Variants in TRIM9 observed in about 807,000 individuals in gnomAD.
TRIM9 encodes tripartite motif containing 9.
Under a neutral mutation model 78.3 loss-of-function variants are expected in TRIM9, and 26 were observed. The ratio of observed to expected loss-of-function variants is 0.33; its 90% confidence interval spans 0.24 to 0.46. The LOEUF is 0.46. Ranked by LOEUF, TRIM9 falls within the 20% of genes least tolerant of loss-of-function variation. The pLI is 1.00. For synonymous variants in TRIM9, 398 were observed against 416.5 expected (o/e 0.96, Z 0.54); for missense variants, 787 against 1,036.4 (o/e 0.76, Z 3.30).
intron 1 of TRIM9, among the ~76,000 whole-genome samples, chr14:51,079,058 A>T (rs1334451428): frequency 1.3e-5 from 2 of 152,202 alleles, no homozygotes; most frequent in African/African-American, 2.4e-5. Context: ...AATGCTCTTG[A>T]TTAATTTTTG....
chr14:51,045,016 G>A (rs561739238), intron 1 of TRIM9, among the ~76,000 whole-genome samples: 7 of 152,200 alleles, frequency 4.6e-5, no homozygotes, highest in African/African-American at 1.2e-4. Context: ...CTAAGAGGGC[G>A]GTTGGTTCTC....
Position 50,975,625 on chromosome 14 carries a change from A to G in TRIM9, c.*1666T>C, listed in dbSNP as rs2051039860. The G allele has an allele frequency of 6.5e-6, 1 of 152,688 alleles. No homozygotes were observed. Among genetic ancestry groups the G allele is most frequent in the Non-Finnish European group, 1.5e-5 (1 of 68,048 alleles). 9.5% of individuals were successfully genotyped at this position (152,688 alleles called of 1,614,324 possible). A position where few individuals can be genotyped will look rare whatever the true frequency, so the allele number is the denominator to read the frequency against. On this transcript the variant is annotated 3_prime_UTR_variant, in exon 13 of 13. Coordinates refer to ENST00000684578, the MANE Select transcript of TRIM9 (RefSeq NM_001387360.1). ...AATAATCTAAATAAAGTAAGCACAA[A>G]AGTAAATAATTAGCTATTTACATAT...
intron 1 of TRIM9, among the ~76,000 whole-genome samples, chr14:51,029,520 A>G (rs898974294): frequency 2.0e-5 from 3 of 152,224 alleles, no homozygotes; most frequent in African/African-American, 7.2e-5. Context: ...GCCGCCAAGG[A>G]GAATAACAGT....
At chr14:51,049,138 T>G (rs892241880) in intron 1 of TRIM9, among the ~76,000 whole-genome samples, 2 of 152,202 alleles carry the variant, frequency 1.3e-5, no homozygotes, top group South Asian at 2.1e-4. Context: ...CCCGGCTCAC[T>G]GCAGCCTCTG....
chr14:50,996,088 CT>C (rs2054176273), intron 7 of TRIM9: 1 of 985,118 alleles, frequency 1.0e-6, no homozygotes, highest in Non-Finnish European at 1.2e-6. Flanking sequence ...TGTGTGTGAA[CT>C]TTATTTCATC....
intron 1 of TRIM9, among the ~76,000 whole-genome samples, chr14:51,057,626 T>C (rs2060995373): frequency 1.3e-5 from 2 of 152,214 alleles, no homozygotes; most frequent in Non-Finnish European, 2.9e-5. Flanking sequence ...ATGAAATACA[T>C]AGGCAAAAAT....
chr14:50,983,254 T>C, intron 9 of TRIM9, 126 bp downstream of exon 9: 1 of 809,702 alleles, frequency 1.2e-6, no homozygotes, highest in Non-Finnish European at 1.9e-6. Flanking sequence ...GAAACTGCTA[T>C]AATAGGGTTA....
At chr14:51,040,648 T>C (rs955032078) in intron 1 of TRIM9, among the ~76,000 whole-genome samples, 2 of 152,234 alleles carry the variant, frequency 1.3e-5, no homozygotes, top group African/African-American at 4.8e-5. Context: ...ACATCTCCCA[T>C]TTCTAGTCAA....
chr14:51,020,605 G>A (rs1321782376), intron 3 of TRIM9, among the ~76,000 whole-genome samples: 1 of 152,230 alleles, frequency 6.6e-6, no homozygotes, highest in Non-Finnish European at 1.5e-5. Context: ...GAGGAGGGAA[G>A]AGGACATAGT....
chr14:51,084,182 T>A (rs903683321), intron 1 of TRIM9, among the ~76,000 whole-genome samples: 41 of 150,194 alleles, frequency 2.7e-4, no homozygotes, highest in South Asian at 6.3e-4. Flanking sequence ...ACTTTTTTTT[T>A]ATATATATTT....
chr14:50,987,908 C>T (rs999879214), intron 7 of TRIM9, among the ~76,000 whole-genome samples: 6 of 152,134 alleles, frequency 3.9e-5, no homozygotes, highest in Admixed American at 3.9e-4. Flanking sequence ...TCAAGTGATT[C>T]TTCAACCTCA....
At position 51,000,828 on chromosome 14, in the gene TRIM9, A is replaced by C. The variant is rs765701217; in HGVS notation, c.1319T>G (p.Val440Gly). 1 of 1,614,068 alleles carries C rather than the reference A, an allele frequency of 6.2e-7. No individual in the cohort carries two copies. The highest frequency in any genetic ancestry group is 8.5e-7 in the Non-Finnish European group (1 of 1,179,978). The change falls in exon 6 of 13, where the codon GTC (valine) becomes GGC (glycine). Residue 440 changes from valine to glycine, a missense_variant. Physicochemically the swap from Val to Gly is moderately radical, Grantham distance 109. Coordinates refer to ENST00000684578, the MANE Select transcript of TRIM9 (RefSeq NM_001387360.1). ...DFVQVKASSP[V>G]PATPILQLEE... is the part of the protein sequence containing the mutation. Reference sequence around the variant, plus strand: ...CAGCTGTAGGATAGGGGTTGCTGGGACTGGAGAGGAAGCTAAACAGAAATT... The same window carrying C: ...CAGCTGTAGGATAGGGGTTGCTGGGCCTGGAGAGGAAGCTAAACAGAAATT...
intron 1 of TRIM9, among the ~76,000 whole-genome samples, chr14:51,064,501 A>G (rs533505122): frequency 1.4e-3 from 173 of 123,102 alleles, no homozygotes; most frequent in African/African-American, 4.8e-3. Context: ...TAAAGAATCA[A>G]AAGTTAAAAG....
intron 1 of TRIM9, among the ~76,000 whole-genome samples, chr14:51,055,074 G>A (rs182742308): frequency 1.3e-5 from 2 of 151,930 alleles, no homozygotes; most frequent in East Asian, 1.9e-4. Flanking sequence ...CGTCCGCCTC[G>A]GCCTCCCAAA....
intron 9 of TRIM9, among the ~76,000 whole-genome samples, 178 bp downstream of exon 9, chr14:50,983,202 A>G (rs1322128355): frequency 6.6e-6 from 1 of 152,236 alleles, no homozygotes. Context: ...GAGGCATAAC[A>G]TTAAACACTA....
In TRIM9 at chr14:51,025,246, T is replaced by C; in HGVS notation, c.918+19A>G. 19 of 1,609,822 alleles carry C rather than the reference T, an allele frequency of 1.2e-5. No individual in the cohort carries two copies. The highest frequency in any genetic ancestry group is 1.6e-5 in the Non-Finnish European group (19 of 1,176,464). ...GTATTAACCGGCGGGTTTCCTTGCG[T>C]CCCAGGTAACACCCATACCTGGATC... is the stretch of plus-strand genomic sequence containing the variant. On this transcript the variant is annotated intron_variant, in intron 2 of 12. Coordinates refer to ENST00000684578, the MANE Select transcript of TRIM9 (RefSeq NM_001387360.1).
At chr14:51,044,918 C>A (rs1786382602) in intron 1 of TRIM9, among the ~76,000 whole-genome samples, 1 of 152,150 alleles carries the variant, frequency 6.6e-6, no homozygotes, top group South Asian at 2.1e-4. Flanking sequence ...AAAGAACAAT[C>A]CAGGCTATCC....
rs186356273 is a variant in TRIM9 at position 50,997,328 on chromosome 14, A to G, written c.1603+722T>C. On this transcript the variant is annotated intron_variant, in intron 7 of 12. Coordinates refer to ENST00000684578, the MANE Select transcript of TRIM9 (RefSeq NM_001387360.1). ...AATATTTAAAGTATAGCTAAGAAGC[A>G]AAAATTCTCTAGAGATGAACCTTGT... The G allele has an allele frequency of 3.3e-4, 322 of 985,434 alleles. 1 individual carries two copies. The African/African-American group carries it at 5.3e-3, about 16-fold the overall frequency. 61.0% of individuals were successfully genotyped at this position (985,434 alleles called of 1,614,324 possible).
chr14:51,073,029 T>C (rs2062436491), intron 1 of TRIM9, among the ~76,000 whole-genome samples: 1 of 151,996 alleles, frequency 6.6e-6, no homozygotes. Context: ...AGTGGGTAAA[T>C]GACTTAGCAG....
Sources: gnomAD v4.1 joint callset for allele counts (sites outside exome capture counted in the v4.1 genomes callset) on GRCh38, gnomAD v4.1.1 for gene constraint, MANE v1.5 for transcripts, NCBI Gene and HGNC (gene_info 2026-07-23, HGNC 2026-07-21) for gene names.